The following PLSCR5 variants were observed in gnomAD, a reference collection of about 807,000 sequenced individuals.
PLSCR5 encodes the protein phospholipid scramblase family, member 5.
In PLSCR5, 44 loss-of-function variants were observed where a neutral mutation model predicts 33.6. The ratio of observed to expected loss-of-function variants is 1.31; its 90% confidence interval spans 1.03 to 1.69. The LOEUF is 1.69. Ranked by LOEUF, PLSCR5 falls within the 40% of genes most tolerant of loss-of-function variation. PLSCR5 has a pLI of 0.00. For missense variants in PLSCR5, 375 were observed against 318.7 expected, an observed-to-expected ratio of 1.18 and a Z score of -1.34; for synonymous variants, 148 against 112.3, an observed-to-expected ratio of 1.32 and a Z score of -2.01.
At chr3:146,600,222 CAGAA>C in intron 2 of PLSCR5, 62 bp downstream of exon 2, 1 of 1,188,720 alleles carries the variant, frequency 8.4e-7, no homozygotes, top group Non-Finnish European at 1.1e-6. Flanking sequence ...ATTGAAAAGC[CAGAA>C]AGAAAGTTTG....
At chr3:146,603,460 C>T (rs528270357) in intron 1 of PLSCR5, among the ~76,000 whole-genome samples, 6 of 152,098 alleles carry the variant, frequency 3.9e-5, no homozygotes, top group South Asian at 2.1e-4. Context: ...TATTTTGAGC[C>T]GGTTGCAGAA....
chr3:146,597,000 A>G (rs2044766927), intron 2 of PLSCR5, among the ~76,000 whole-genome samples: 1 of 152,154 alleles, frequency 6.6e-6, no homozygotes, highest in Non-Finnish European at 1.5e-5. Context: ...AGGAAAACGG[A>G]GTGGTAAGCC....
At chr3:146,603,172 G>C (rs2044833871) in intron 1 of PLSCR5, among the ~76,000 whole-genome samples, 1 of 152,114 alleles carries the variant, frequency 6.6e-6, no homozygotes, top group Non-Finnish European at 1.5e-5. Flanking sequence ...TGATTGATCT[G>C]CCTATGAAAT....
At chr3:146,582,112 G>A (rs1484322278), downstream of PLSCR5, among the ~76,000 whole-genome samples, 1 of 152,194 alleles carries the variant, frequency 6.6e-6, no homozygotes, top group Non-Finnish European at 1.5e-5. Context: ...AAATGGCATA[G>A]GCCAGAAATC....
chr3:146,588,143 C>T (rs1050102192), intron 6 of PLSCR5, among the ~76,000 whole-genome samples: 3 of 152,042 alleles, frequency 2.0e-5, no homozygotes, highest in Non-Finnish European at 1.5e-5. Context: ...AATTAGGCCA[C>T]AGTTTACAAA....
rs560235375 is a variant in PLSCR5 at position 146,588,165 on chromosome 3, A to G, written c.777+1488T>C. On this transcript the variant is annotated intron_variant, in intron 6 of 7. Coordinates refer to ENST00000443512, the MANE Select transcript of PLSCR5 (RefSeq NM_001085420.2). Reference sequence around the variant, plus strand: ...CCACAGTTTACAAAATAATTGGCTTATGCACTTAAAAAATGCCAATGTCGG... The same window carrying G: ...CCACAGTTTACAAAATAATTGGCTTGTGCACTTAAAAAATGCCAATGTCGG... Among the ~76,000 whole-genome samples the G allele has an allele frequency of 3.3e-5, 5 of 152,290 alleles. No homozygotes were observed. The East Asian group carries it at 5.8e-4, about 18-fold the overall frequency.
Position 146,605,183 on chromosome 3 carries a change from G to T in PLSCR5, c.13+17C>A, listed in dbSNP as rs754875467. The T allele has an allele frequency of 1.9e-5, 30 of 1,603,824 alleles. No homozygotes were observed. The highest frequency in any genetic ancestry group is 2.4e-5 in the Non-Finnish European group (28 of 1,173,200). ...TAATATAAGAAAAAGTTATTAGTTG[G>T]TTATATTTACTCTTACCTTTAGAGG... On this transcript the variant is annotated intron_variant, in intron 1 of 7. Transcript: ENST00000443512.
intron 1 of PLSCR5, among the ~76,000 whole-genome samples, chr3:146,604,438 A>C (rs1050578226): frequency 6.6e-6 from 1 of 152,118 alleles, no homozygotes; most frequent in Admixed American, 6.6e-5. Context: ...CTGTGCGCTT[A>C]AAGCAGATAT....
At chr3:146,587,639 G>A (rs966704328) in intron 6 of PLSCR5, among the ~76,000 whole-genome samples, 3 of 152,004 alleles carry the variant, frequency 2.0e-5, no homozygotes, top group Admixed American at 6.6e-5. Context: ...GGATAGAGGA[G>A]AATAGGGAAG....
At chr3:146,594,270 C>G in intron 3 of PLSCR5, 130 bp from the exon 4 acceptor site, 4 of 671,068 alleles carry the variant, frequency 6.0e-6, no homozygotes, top group Non-Finnish European at 2.4e-6. Context: ...CTTCTTCACA[C>G]AAATTTATTT....
At chr3:146,594,926 C>A in intron 3 of PLSCR5, 115 bp downstream of exon 3, 1 of 527,116 alleles carries the variant, frequency 1.9e-6, no homozygotes, top group East Asian at 3.9e-5. Context: ...TGATCTAATT[C>A]TATTCTACAC....
intron 1 of PLSCR5, 95 bp from the exon 2 acceptor site, chr3:146,600,558 G>A: frequency 8.9e-7 from 1 of 1,121,322 alleles, no homozygotes; most frequent in Non-Finnish European, 1.2e-6. Flanking sequence ...TGATAGGATA[G>A]TTTATCTCCT....
At chr3:146,601,130 T>A (rs2044810547) in intron 1 of PLSCR5, among the ~76,000 whole-genome samples, 1 of 151,514 alleles carries the variant, frequency 6.6e-6, no homozygotes, top group South Asian at 2.1e-4. Flanking sequence ...AGAGAAGACA[T>A]CTGTTTTCTA....
intron 1 of PLSCR5, among the ~76,000 whole-genome samples, chr3:146,603,895 C>T (rs996865423): frequency 7.9e-5 from 12 of 152,094 alleles, no homozygotes; most frequent in African/African-American, 2.9e-4. Flanking sequence ...CATGATTTTG[C>T]TATTTCACAT....
In PLSCR5 at chr3:146,589,904, A is replaced by G. The variant is rs1029318583; in HGVS notation, c.616-90T>C. 3 of 778,858 alleles carry G rather than the reference A, an allele frequency of 3.9e-6. No homozygotes were observed. In the African/African-American group the frequency reaches 5.3e-5, roughly 14 times the overall value. 48.2% of individuals were successfully genotyped at this position (778,858 alleles called of 1,614,324 possible). On this transcript the variant is annotated intron_variant, in intron 5 of 7. Transcript: ENST00000443512. Reference sequence around the variant, plus strand: ...GGTGTTTACTTCATGAGAGATTTGAATTATTTTATTTGTCATCTTCAAAAT... The same window carrying G: ...GGTGTTTACTTCATGAGAGATTTGAGTTATTTTATTTGTCATCTTCAAAAT...
In PLSCR5 at chr3:146,600,551, T is replaced by C. The variant is rs897574629; in HGVS notation, c.14-88A>G. 1.9e-5 allele frequency: 23 copies of C among 1,187,326 alleles called. No homozygotes were observed. In the African/African-American group the frequency reaches 3.5e-4, roughly 18 times the overall value. 73.5% of individuals were successfully genotyped at this position (1,187,326 alleles called of 1,614,324 possible). A position where few individuals can be genotyped will look rare whatever the true frequency, so the allele number is the denominator to read the frequency against. On this transcript the variant is annotated intron_variant, in intron 1 of 7. Transcript: ENST00000443512. ...AAAGTATTTGTTACTTCTTGATTGA[T>C]AGGATAGTTTATCTCCTGCCTCTCA...
At position 146,593,938 on chromosome 3, in the gene PLSCR5, G is replaced by T. The variant is rs373040612; in HGVS notation, c.435C>A (p.Cys145Ter). The change falls in exon 4 of 8, where the codon TGC becomes TGA. Residue 145 changes from cysteine (C) to a stop codon, truncating the protein, a stop_gained. Coordinates refer to ENST00000443512, the MANE Select transcript of PLSCR5 (RefSeq NM_001085420.2). LOFTEE classifies it high-confidence loss of function. ...AACTAACCTCTTGTAGGTAGCAAGG[G>T]CACCAGCAGCTGTTACATCTCAAGG... is the stretch of plus-strand genomic sequence containing the variant. The part of the protein sequence containing the change: ...NRPLRCNSCW[C>*]PCYLQELEIQ... 6.2e-6 allele frequency: 10 copies of T among 1,613,424 alleles called. No individual in the cohort carries two copies. In the African/African-American group the frequency reaches 1.3e-4, roughly 22 times the overall value.
At chr3:146,584,713 T>C (rs73003950), downstream of PLSCR5, among the ~76,000 whole-genome samples, 16,268 of 152,074 alleles carry the variant, frequency 0.11, 1,025 homozygotes, top group African/African-American at 0.17. Flanking sequence ...CTTTTCATTT[T>C]TATGTTATAC....
At chr3:146,581,772 A>C (rs2044634000), downstream of PLSCR5, among the ~76,000 whole-genome samples, 4 of 152,348 alleles carry the variant, frequency 2.6e-5, no homozygotes, top group South Asian at 8.3e-4. Context: ...ATTTCAATAC[A>C]TCATGTTGTA....
Sources: gnomAD v4.1 joint callset for allele counts (sites outside exome capture counted in the v4.1 genomes callset) on GRCh38, gnomAD v4.1.1 for gene constraint, MANE v1.5 for transcripts, NCBI Gene and HGNC (gene_info 2026-07-23, HGNC 2026-07-21) for gene names.